Variants in FLRT2 observed in about 807,000 individuals in gnomAD.
FLRT2 encodes the protein leucine-rich repeat transmembrane protein FLRT2.
FLRT2 carries 15 observed loss-of-function variants against 40.0 expected under a neutral mutation model. The observed-to-expected ratio is 0.38, with a 90% confidence interval of 0.25 to 0.58. The LOEUF (loss-of-function observed/expected upper bound fraction) is 0.58, where lower values mean the gene tolerates loss of function less well. Ranked by LOEUF, FLRT2 falls within the 20% of genes least tolerant of loss-of-function variation. The pLI, the probability that FLRT2 is intolerant of heterozygous loss-of-function variation, is 0.71. For missense variants in FLRT2, 726 were observed against 840.0 expected, an observed-to-expected ratio of 0.86 and a Z score of 1.68; for synonymous variants, 380 against 336.8, an observed-to-expected ratio of 1.13 and a Z score of -1.41.
intron 1 of FLRT2, among the ~76,000 whole-genome samples, chr14:85,612,954 T>G (rs1448437244): frequency 6.6e-6 from 1 of 152,194 alleles, no homozygotes; most frequent in South Asian, 2.1e-4. Flanking sequence ...TTATGTATAT[T>G]ACATATGTGC....
chr14:85,594,926 G>A (rs1292539289), intron 1 of FLRT2, among the ~76,000 whole-genome samples: 1 of 151,994 alleles, frequency 6.6e-6, no homozygotes, highest in Non-Finnish European at 1.5e-5. Context: ...ATAAACTAGA[G>A]AAAAGAAAAT....
At position 85,631,679 on chromosome 14, in the gene FLRT2, A is replaced by G. The variant is rs1200046155; in HGVS notation, c.*8182A>G. ...TTTCCTTAAAATCTCTTGATTACTC[A>G]TCAACATTTTTAAAAGAAATTTTGT... On this transcript the variant is annotated 3_prime_UTR_variant, in exon 2 of 2. Transcript: ENST00000330753. The G allele has an allele frequency of 6.6e-6, 1 of 152,188 alleles. No homozygotes were observed. Among genetic ancestry groups the G allele is most frequent in the Admixed American group, 6.5e-5 (1 of 15,282 alleles). The allele number at this position is 152,188 out of a possible 1,614,324, so 9.4% of individuals were successfully genotyped here.
chr14:85,551,397 A>G (rs1889609965), intron 1 of FLRT2, among the ~76,000 whole-genome samples: 1 of 152,202 alleles, frequency 6.6e-6, no homozygotes, highest in Admixed American at 6.5e-5. Context: ...AGGCACAGGC[A>G]TGCCACTGGT....
Position 85,645,560 on chromosome 14 carries a change from T to A in FLRT2, c.*22063T>A, listed in dbSNP as rs1485689620. 6.6e-6 allele frequency: 1 copy of A among 152,124 alleles called. No individual in the cohort carries two copies. Among genetic ancestry groups the A allele is most frequent in the East Asian group, 1.9e-4 (1 of 5,172 alleles). The allele number at this position is 152,124 out of a possible 1,614,324, so 9.4% of individuals were successfully genotyped here. A position where few individuals can be genotyped will look rare whatever the true frequency, so the allele number is the denominator to read the frequency against. ...TCACTAAGCATGGATACAATTTGGA[T>A]CATTGGTAATAAGGAGACTTAGGGA... On this transcript the variant is annotated 3_prime_UTR_variant, in exon 2 of 2. Coordinates refer to ENST00000330753, the MANE Select transcript of FLRT2 (RefSeq NM_013231.6).
In FLRT2 at chr14:85,643,378, T is replaced by TTCCTTTCCTTTCCTTTC. The variant is rs1555373585; in HGVS notation, c.*19881_*19882insTCCTTTCCTTTCCTTTC. On this transcript the variant is annotated 3_prime_UTR_variant, in exon 2 of 2. Transcript: ENST00000330753. ...TTCTTCCTTCCTTCCTTCCTTCCTT[T>TTCCTTTCCTTTCCTTTC]CTTTCCTTTCTCCTTTTTCTTTTTT... 4.0e-5 allele frequency: 4 copies of TTCCTTTCCTTTCCTTTC among 99,898 alleles called. No individual in the cohort carries two copies. Among genetic ancestry groups the TTCCTTTCCTTTCCTTTC allele is most frequent in the Admixed American group, 1.0e-4 (1 of 9,860 alleles). 6.2% of individuals were successfully genotyped at this position (99,898 alleles called of 1,614,324 possible).
chr14:85,615,209 T>A (rs1893069172), intron 1 of FLRT2, among the ~76,000 whole-genome samples: 1 of 152,214 alleles, frequency 6.6e-6, no homozygotes, highest in South Asian at 2.1e-4. Context: ...TCCCTCCCAG[T>A]GGGCTGAGAG....
rs181611633 is a variant in FLRT2, at chr14:85,625,908, G to A, written c.*2411G>A. Reference sequence around the variant, plus strand: ...ATTTCTGGCTGCTGAAACCACTTTGGGCCAGGAAGAACAAGGATGAAGAGG... The same window carrying A: ...ATTTCTGGCTGCTGAAACCACTTTGAGCCAGGAAGAACAAGGATGAAGAGG... On this transcript the variant is annotated 3_prime_UTR_variant, in exon 2 of 2. Coordinates refer to ENST00000330753, the MANE Select transcript of FLRT2 (RefSeq NM_013231.6). 1.6e-3 allele frequency: 268 copies of A among 167,048 alleles called. 2 individuals carry two copies. The highest frequency in any genetic ancestry group is 2.0e-3 in the Non-Finnish European group (135 of 68,092). The allele number at this position is 167,048 out of a possible 1,614,324, so 10.3% of individuals were successfully genotyped here. A position where few individuals can be genotyped will look rare whatever the true frequency, so the allele number is the denominator to read the frequency against.
rs1001452740 is a variant in FLRT2, at chr14:85,645,931, G to T, written c.*22434G>T. 1 of 152,162 alleles carries T rather than the reference G, an allele frequency of 6.6e-6. No individual in the cohort carries two copies. Among genetic ancestry groups the T allele is most frequent in the Non-Finnish European group, 1.5e-5 (1 of 68,048 alleles). The allele number at this position is 152,162 out of a possible 1,614,324, so 9.4% of individuals were successfully genotyped here. Reference sequence around the variant, plus strand: ...AGGAGGTTCAGCAATCTATTTAGTGGCAGGTGGTGACAGTGGATTTCTTCT... The same window carrying T: ...AGGAGGTTCAGCAATCTATTTAGTGTCAGGTGGTGACAGTGGATTTCTTCT... On this transcript the variant is annotated 3_prime_UTR_variant, in exon 2 of 2. Coordinates refer to ENST00000330753, the MANE Select transcript of FLRT2 (RefSeq NM_013231.6).
rs115640926 is a variant in FLRT2, at chr14:85,613,829, A to G, written c.-376-7310A>G. 5.7e-3 allele frequency among the ~76,000 whole-genome samples: 864 copies of G among 152,270 alleles called. 14 individuals carry two copies. Among genetic ancestry groups the G allele is most frequent in the African/African-American group, 0.02 (820 of 41,564 alleles). ...AGCCCTGTCACTTACTCACTGATCA[A>G]CTTCATAAATGTCTGCACTTATTTT... On this transcript the variant is annotated intron_variant, in intron 1 of 1. Coordinates refer to ENST00000330753, the MANE Select transcript of FLRT2 (RefSeq NM_013231.6).
intron 1 of FLRT2, among the ~76,000 whole-genome samples, chr14:85,534,924 C>G (rs1331225409): frequency 7.5e-6 from 1 of 132,574 alleles, no homozygotes; most frequent in African/African-American, 2.9e-5. Flanking sequence ...ATTATTTATT[C>G]GCCTGGAAAC....
intron 1 of FLRT2, among the ~76,000 whole-genome samples, chr14:85,538,550 G>GCC (rs1888807079): frequency 6.6e-6 from 1 of 151,682 alleles, no homozygotes; most frequent in Non-Finnish European, 1.5e-5. Context: ...ATGTCATACT[G>GCC]TTATATTTCA....
intron 1 of FLRT2, among the ~76,000 whole-genome samples, chr14:85,597,076 T>TA (rs1440160008): frequency 6.6e-6 from 1 of 152,170 alleles, no homozygotes. Flanking sequence ...TCAAATTAAA[T>TA]ATGACATAAG....
chr14:85,597,882 A>C (rs1386846288), intron 1 of FLRT2, among the ~76,000 whole-genome samples: 1 of 152,264 alleles, frequency 6.6e-6, no homozygotes, highest in Non-Finnish European at 1.5e-5. Flanking sequence ...TAGATGTTCC[A>C]GCTGAGTGGG....
intron 1 of FLRT2, among the ~76,000 whole-genome samples, chr14:85,586,394 C>T (rs1345420044): frequency 5.9e-5 from 9 of 151,978 alleles, no homozygotes; most frequent in Non-Finnish European, 8.8e-5. Flanking sequence ...AAACAATGTT[C>T]AATCAATAAC....
rs185321421 is a variant in FLRT2, at chr14:85,617,236, C to T, written c.-376-3903C>T. ...AGGTCAAAGCTGATTTTATTTTGTTCTACACAGTGGAATTCAGCTCTTTGG... is the reference window on the plus strand; with the variant it reads ...AGGTCAAAGCTGATTTTATTTTGTTTTACACAGTGGAATTCAGCTCTTTGG... On this transcript the variant is annotated intron_variant, in intron 1 of 1. Transcript: ENST00000330753. 7.0e-4 allele frequency among the ~76,000 whole-genome samples: 106 copies of T among 152,266 alleles called. 1 individual carries two copies. The highest frequency in any genetic ancestry group is 2.5e-3 in the African/African-American group (102 of 41,550).
At chr14:85,602,267 C>T (rs927971765) in intron 1 of FLRT2, among the ~76,000 whole-genome samples, 4 of 152,170 alleles carry the variant, frequency 2.6e-5, no homozygotes, top group Non-Finnish European at 5.9e-5. Context: ...CCTGACAAAG[C>T]AATCTATTCA....
chr14:85,603,373 C>A (rs1892466318), intron 1 of FLRT2, among the ~76,000 whole-genome samples: 1 of 152,060 alleles, frequency 6.6e-6, no homozygotes, highest in African/African-American at 2.4e-5. Context: ...ATGATGCTTT[C>A]TAGAATAATA....
At position 85,622,110 on chromosome 14, in the gene FLRT2, C is replaced by T. The variant is rs376157982; in HGVS notation, c.596C>T (p.Ala199Val). ...CGAATTGCTGTCATATCCGACATGG[C>T]CTTCCAGAATCTCACGAGCTTGGAG... ...ENRIAVISDM[A>V]FQNLTSLERL... Residue 199 changes from alanine to valine, a missense_variant, in exon 2 of 2, where the codon GCC becomes GTC. Transcript: ENST00000330753. The T allele has an allele frequency of 3.5e-5, 56 of 1,614,138 alleles. No homozygotes were observed. The African/African-American group carries it at 5.9e-4, about 17-fold the overall frequency.
chr14:85,579,925 A>ATTTTTTT (rs4015970), intron 1 of FLRT2, among the ~76,000 whole-genome samples: 5 of 117,582 alleles, frequency 4.3e-5, no homozygotes, highest in East Asian at 2.6e-4. Context: ...GGGTATTAGA[A>ATTTTTTT]TTTTTTTTTT....
Sources: allele counts gnomAD v4.1 joint callset (sites outside exome capture counted in the v4.1 genomes callset), GRCh38; gene constraint gnomAD v4.1.1; transcripts MANE v1.5; gene names NCBI Gene and HGNC (gene_info 2026-07-23, HGNC 2026-07-21).